Variants in ZBTB40 observed in about 807,000 individuals in gnomAD.
ZBTB40 encodes the protein zinc finger and BTB domain-containing protein 40.
In ZBTB40, 60 loss-of-function variants were observed where a neutral mutation model predicts 117.5. The ratio of observed to expected loss-of-function variants is 0.51; its 90% CI spans 0.41 to 0.63. The LOEUF (loss-of-function observed/expected upper bound fraction) is 0.63. Among genes scored for constraint, ZBTB40 ranks in the 30% least tolerant of loss-of-function variants. The probability of loss-of-function intolerance (pLI) is 0.00; values close to 1 mark genes in which losing one functional copy is unlikely to be tolerated. For missense variants in ZBTB40, 1,287 were observed against 1,498.5 expected (o/e 0.86, Z 2.33); for synonymous variants, 525 against 577.1 (o/e 0.91, Z 1.29).
rs773763480 is a variant in ZBTB40 at position 22,526,182 on chromosome 1, T to C, written c.3526-20T>C. On this transcript the variant is annotated intron_variant, in intron 17 of 17. Transcript: ENST00000375647. ...ACTGTGAACACTGCCCAGAGCAGCC[T>C]CACGGTCTTTCTCTTTCAGGTGATC... 6 of 1,614,086 alleles carry C rather than the reference T, an allele frequency of 3.7e-6. No homozygotes were observed. In the South Asian group the frequency reaches 6.6e-5, roughly 18 times the overall value.
chr1:22,492,819 T>A (rs990632079), intron 3 of ZBTB40, among the ~76,000 whole-genome samples: 1 of 152,280 alleles, frequency 6.6e-6, no homozygotes, highest in Non-Finnish European at 1.5e-5. Flanking sequence ...CTCTTTGTAC[T>A]GATTATGCTG....
intron 1 of ZBTB40, among the ~76,000 whole-genome samples, chr1:22,445,424 C>G (rs1174592128): frequency 6.6e-6 from 1 of 152,156 alleles, no homozygotes; most frequent in East Asian, 1.9e-4. Context: ...AAAGGCTGAG[C>G]CCTAATCAGG....
chr1:22,477,799 C>T (rs547662746), intron 1 of ZBTB40, among the ~76,000 whole-genome samples: 4 of 152,318 alleles, frequency 2.6e-5, no homozygotes, highest in South Asian at 2.1e-4. Context: ...CCTCCCGCCT[C>T]GGCCTCTCAA....
intron 1 of ZBTB40, among the ~76,000 whole-genome samples, chr1:22,468,643 C>CTTTTTTTTTTTTTTTTTTTTTTT (rs71020424): frequency 3.5e-5 from 1 of 28,600 alleles, no homozygotes; most frequent in African/African-American, 1.5e-4. Context: ...GCCTGGCTGG[C>CTTTTTTTTTTTTTTTTTTTTTTT]TTTTTTTTTT....
chr1:22,512,753 A>G (rs571098543), intron 11 of ZBTB40, among the ~76,000 whole-genome samples, 171 bp from the exon 12 acceptor site: 53 of 152,272 alleles, frequency 3.5e-4, no homozygotes, highest in African/African-American at 1.2e-3. Context: ...TGGTGGGTAG[A>G]GAGCAGCGTG....
chr1:22,473,028 A>C (rs116043880), intron 1 of ZBTB40, among the ~76,000 whole-genome samples: 4,176 of 152,304 alleles, frequency 0.027, 224 homozygotes, highest in African/African-American at 0.096. Context: ...GGGCAGGTGC[A>C]AAAGAGGGAT....
intron 1 of ZBTB40, among the ~76,000 whole-genome samples, chr1:22,482,174 T>G (rs1476983481): frequency 2.6e-5 from 4 of 152,162 alleles, no homozygotes; most frequent in Non-Finnish European, 5.9e-5. Context: ...TAGACATTCT[T>G]AAAGATTTTC....
chr1:22,461,410 C>T (rs1390402601), intron 1 of ZBTB40, among the ~76,000 whole-genome samples: 1 of 148,520 alleles, frequency 6.7e-6, no homozygotes, highest in Non-Finnish European at 1.5e-5. Context: ...TGAGCAAATA[C>T]TATAGAATCC....
intron 6 of ZBTB40, 147 bp from the exon 7 acceptor site, chr1:22,507,854 G>A (rs1639113364): frequency 1.8e-6 from 2 of 1,120,148 alleles, no homozygotes; most frequent in Admixed American, 3.8e-5. Flanking sequence ...CTGAACATAT[G>A]TGTATGAGGC....
chr1:22,462,288 C>G (rs934003441), intron 1 of ZBTB40, among the ~76,000 whole-genome samples: 2 of 152,150 alleles, frequency 1.3e-5, no homozygotes, highest in Non-Finnish European at 2.9e-5. Context: ...ACTGACTCTA[C>G]CACTCACTGG....
chr1:22,430,803 T>A (rs185207916), intron 1 of ZBTB40, among the ~76,000 whole-genome samples: 53 of 152,222 alleles, frequency 3.5e-4, no homozygotes, highest in Admixed American at 2.0e-3. Context: ...CCTTACCCCA[T>A]GGGTTAATTA....
chr1:22,508,233 A>T (rs1473938596), intron 7 of ZBTB40, 96 bp downstream of exon 7: 1 of 1,414,664 alleles, frequency 7.1e-7, no homozygotes, highest in Admixed American at 1.9e-5. Flanking sequence ...CTGTAAATAT[A>T]CATATGTAGC....
rs779780917 is a variant in ZBTB40, at chr1:22,501,645, G to A, written c.985G>A (p.Asp329Asn). 2 of 1,614,076 alleles carry A rather than the reference G, an allele frequency of 1.2e-6. No homozygotes were observed. Among genetic ancestry groups the A allele is most frequent in the South Asian group, 2.2e-5 (2 of 91,078 alleles). The change falls in exon 4 of 18, where the codon GAC becomes AAC. Residue 329 changes from aspartate (D) to asparagine (N), a missense_variant. Coordinates refer to ENST00000375647, the MANE Select transcript of ZBTB40 (RefSeq NM_014870.4). ...SNPAVKTALL[D>N]RKPEDVDTVQ... The stretch of plus-strand genomic sequence containing the variant: ...TCCTGCAGTAAAAACAGCACTATTA[G>A]ACAGGAAGCCAGAAGATGTAGACAC...
chr1:22,456,429 C>A (rs1344350237), intron 1 of ZBTB40, among the ~76,000 whole-genome samples: 3 of 152,174 alleles, frequency 2.0e-5, no homozygotes, highest in Non-Finnish European at 4.4e-5. Context: ...TTGTTAATCT[C>A]AGGGTAAATG....
rs1035795394 is a variant in ZBTB40 at position 22,524,453 on chromosome 1, G to A, written c.3525+9G>A. On this transcript the variant is annotated intron_variant, in intron 17 of 17. Transcript: ENST00000375647. Reference sequence around the variant, plus strand: ...CCTCACAGATGGCGCAGGTGATTCTGGGGCCATCAGCTACATTAGAATGCT... The same window carrying A: ...CCTCACAGATGGCGCAGGTGATTCTAGGGCCATCAGCTACATTAGAATGCT... 20 of 1,611,958 alleles carry A rather than the reference G, an allele frequency of 1.2e-5. No homozygotes were observed. The highest frequency in any genetic ancestry group is 1.6e-5 in the Non-Finnish European group (19 of 1,179,942).
chr1:22,437,997 G>T (rs1194142560), intron 1 of ZBTB40, among the ~76,000 whole-genome samples: 4 of 152,034 alleles, frequency 2.6e-5, no homozygotes, highest in Non-Finnish European at 5.9e-5. Context: ...GGGTGTGGTG[G>T]TACATGCCGG....
intron 1 of ZBTB40, among the ~76,000 whole-genome samples, chr1:22,432,370 G>A (rs1156983614): frequency 6.6e-6 from 1 of 152,140 alleles, no homozygotes; most frequent in Non-Finnish European, 1.5e-5. Context: ...CCCTTCCTTG[G>A]GTACACTCAG....
At chr1:22,485,917 T>A (rs1638453782) in intron 1 of ZBTB40, among the ~76,000 whole-genome samples, 1 of 152,200 alleles carries the variant, frequency 6.6e-6, no homozygotes, top group South Asian at 2.1e-4. Flanking sequence ...TTTCCATTTC[T>A]CTGCTTACAT....
At position 22,489,927 on chromosome 1, in the gene ZBTB40, T is replaced by G; in HGVS notation, c.-22T>G. ...TCTAAGGAGAGGAGAGGAAGAGCAG[T>G]TCTTGGGGCAGAGTTGACGCAATGG... On this transcript the variant is annotated 5_prime_UTR_variant, in exon 2 of 18. Transcript: ENST00000375647. 1 of 1,606,188 alleles carries G rather than the reference T, an allele frequency of 6.2e-7. No homozygotes were observed. The highest frequency in any genetic ancestry group is 8.5e-7 in the Non-Finnish European group (1 of 1,179,256).
Sources: gnomAD v4.1 joint callset for allele counts (sites outside exome capture counted in the v4.1 genomes callset) on GRCh38, gnomAD v4.1.1 for gene constraint, MANE v1.5 for transcripts, NCBI Gene and HGNC (gene_info 2026-07-23, HGNC 2026-07-21) for gene names.